FANCC: variants seen among roughly 807,000 people sequenced by gnomAD.
FANCC encodes Fanconi anemia group C protein.
Under a neutral mutation model 71.3 loss-of-function variants are expected in FANCC, and 55 were observed. That is an observed-to-expected ratio of 0.77 (90% CI 0.62 to 0.97). The LOEUF (loss-of-function observed/expected upper bound fraction) is 0.97. Ranked by LOEUF, FANCC falls within the 50% of genes least tolerant of loss-of-function variation. The pLI, the probability that FANCC is intolerant of heterozygous loss-of-function variation, is 0.00. For synonymous variants in FANCC, 275 were observed against 244.9 expected (o/e 1.12, Z -1.15); for missense variants, 678 against 670.9 (o/e 1.01, Z -0.12).
chr9:95,105,672 T>C (rs2071388191), intron 14 of FANCC, among the ~76,000 whole-genome samples: 1 of 152,180 alleles, frequency 6.6e-6, no homozygotes, highest in Non-Finnish European at 1.5e-5. Context: ...CTTGGGAAAC[T>C]CTAGCACTTC....
chr9:95,147,072 TA>T (rs1829666911), intron 7 of FANCC, among the ~76,000 whole-genome samples: 1 of 150,722 alleles, frequency 6.6e-6, no homozygotes, highest in Non-Finnish European at 1.5e-5. Flanking sequence ...TTTTAATATA[TA>T]TTTTAGATTA....
intron 1 of FANCC, among the ~76,000 whole-genome samples, chr9:95,313,332 CTGGAGAAAGTATGTGG>C (rs1835525900): frequency 6.6e-6 from 1 of 152,158 alleles, no homozygotes; most frequent in Non-Finnish European, 1.5e-5. Flanking sequence ...GGAACCAGTG[CTGGAGAAAGTATGTGG>C]AAGCTGGCGA....
intron 4 of FANCC, among the ~76,000 whole-genome samples, chr9:95,195,179 AGAGT>A (rs1232301852): frequency 7.5e-6 from 1 of 133,970 alleles, no homozygotes; most frequent in Non-Finnish European, 1.6e-5. Flanking sequence ...GCCTGGCAAC[AGAGT>A]GAGACTCCGT....
chr9:95,279,858 G>A (rs984198295), intron 1 of FANCC, among the ~76,000 whole-genome samples: 2 of 147,258 alleles, frequency 1.4e-5, no homozygotes, highest in Non-Finnish European at 3.0e-5. Flanking sequence ...TGAGGCAGGA[G>A]AATCGCTTGA....
intron 11 of FANCC, among the ~76,000 whole-genome samples, 153 bp from the exon 12 acceptor site, chr9:95,114,863 T>C (rs2072259473): frequency 6.6e-6 from 1 of 152,224 alleles, no homozygotes; most frequent in Non-Finnish European, 1.5e-5. Flanking sequence ...TCCCAGCCAG[T>C]ACCTATCTCT....
chr9:95,303,440 G>A lies in FANCC; in HGVS notation c.-79+14086C>T, dbSNP rs567620258. Among the ~76,000 whole-genome samples, 16 of 152,328 alleles carry A rather than the reference G, an allele frequency of 1.1e-4. No homozygotes were observed. The East Asian group carries it at 2.5e-3, about 24-fold the overall frequency. ...AACGCATGCAGTTCACCTTTATGAA[G>A]CTGAGGTCCTAGCTTGACCTCAACC... On this transcript the variant is annotated intron_variant, in intron 1 of 14. Transcript: ENST00000289081.
chr9:95,110,977 ATG>A, intron 13 of FANCC: 1 of 1,414,798 alleles, frequency 7.1e-7, no homozygotes, highest in Non-Finnish European at 9.2e-7. Context: ...TTAGTAAGAG[ATG>A]TAAATAAAGC....
chr9:95,294,761 C>G, intron 1 of FANCC: 1 of 1,587,804 alleles, frequency 6.3e-7, no homozygotes, highest in East Asian at 2.2e-5. Context: ...CAGTTCAGCT[C>G]TGTAGAAACC....
rs1459358333 is a variant in FANCC at position 95,100,531 on chromosome 9, T to C, written c.*1176A>G. ...GTCTTGACTCACTTGACAAACAGAA[T>C]AGACACAAAAGAATGTACAACCAAT... On this transcript the variant is annotated 3_prime_UTR_variant, in exon 15 of 15. Transcript: ENST00000289081. The C allele has an allele frequency of 8.6e-6, 2 of 231,734 alleles. No individual in the cohort carries two copies. The highest frequency in any genetic ancestry group is 4.4e-5 in the African/African-American group (2 of 45,234). 14.4% of individuals were successfully genotyped at this position (231,734 alleles called of 1,614,324 possible). A position where few individuals can be genotyped will look rare whatever the true frequency, so the allele number is the denominator to read the frequency against.
intron 4 of FANCC, among the ~76,000 whole-genome samples, chr9:95,225,277 T>C (rs538782171): frequency 6.6e-6 from 1 of 152,338 alleles, no homozygotes; most frequent in South Asian, 2.1e-4. Context: ...ACTACAGACG[T>C]CACTGTTTAA....
intron 4 of FANCC, among the ~76,000 whole-genome samples, chr9:95,177,866 A>C (rs1386561565): frequency 3.3e-5 from 5 of 152,154 alleles, no homozygotes; most frequent in Non-Finnish European, 7.3e-5. Flanking sequence ...TCAGGTTCCC[A>C]AACAGGCTTT....
At chr9:95,306,641 C>G (rs914966976) in intron 1 of FANCC, among the ~76,000 whole-genome samples, 2 of 152,114 alleles carry the variant, frequency 1.3e-5, no homozygotes, top group Non-Finnish European at 2.9e-5. Context: ...CAAATGTTTT[C>G]TGCTAAAATC....
At chr9:95,231,250 C>A (rs1829992337) in intron 4 of FANCC, among the ~76,000 whole-genome samples, 2 of 152,278 alleles carry the variant, frequency 1.3e-5, no homozygotes, top group African/African-American at 4.8e-5. Flanking sequence ...AAAGTAAAAA[C>A]CAAGTCCATA....
intron 4 of FANCC, among the ~76,000 whole-genome samples, chr9:95,196,445 T>G (rs1827462625): frequency 6.6e-6 from 1 of 152,218 alleles, no homozygotes; most frequent in African/African-American, 2.4e-5. Flanking sequence ...CGCTAATATC[T>G]GGAGCCCCTA....
chr9:95,102,586 A>G (rs1395088956), intron 14 of FANCC, among the ~76,000 whole-genome samples: 1 of 152,266 alleles, frequency 6.6e-6, no homozygotes, highest in Non-Finnish European at 1.5e-5. Flanking sequence ...CAGTTTATAC[A>G]GAACCCGCAA....
intron 1 of FANCC, among the ~76,000 whole-genome samples, chr9:95,300,868 G>A (rs1189963590): frequency 2.6e-5 from 4 of 152,150 alleles, no homozygotes; most frequent in African/African-American, 7.2e-5. Context: ...AGAGCCAGTG[G>A]CAAAGATAAC....
chr9:95,268,782 C>T (rs1386555906), intron 1 of FANCC, among the ~76,000 whole-genome samples: 1 of 152,098 alleles, frequency 6.6e-6, no homozygotes, highest in Non-Finnish European at 1.5e-5. Flanking sequence ...CCTTAATTCA[C>T]CCCCTCATTT....
chr9:95,259,537 T>A (rs1474276797), intron 1 of FANCC, among the ~76,000 whole-genome samples: 3 of 152,058 alleles, frequency 2.0e-5, no homozygotes, highest in Non-Finnish European at 4.4e-5. Context: ...ATACAAAAAT[T>A]AACTCAAGAT....
intron 1 of FANCC, among the ~76,000 whole-genome samples, chr9:95,305,729 G>C (rs1835038158): frequency 6.6e-6 from 1 of 152,152 alleles, no homozygotes; most frequent in Non-Finnish European, 1.5e-5. Context: ...AGGATCAAAT[G>C]TTTTCAGGCT....
Sources: gnomAD v4.1 joint callset for allele counts (sites outside exome capture counted in the v4.1 genomes callset) on GRCh38, gnomAD v4.1.1 for gene constraint, MANE v1.5 for transcripts, NCBI Gene and HGNC (gene_info 2026-07-23, HGNC 2026-07-21) for gene names.